Variants in FGD6 observed in about 807,000 individuals in gnomAD.
The protein encoded by FGD6 is FYVE, RhoGEF and PH domain containing 6.
In FGD6, 90 loss-of-function variants were observed where a neutral mutation model predicts 149.4. The ratio of observed to expected loss-of-function variants is 0.60; its 90% confidence interval spans 0.51 to 0.72. FGD6 has a LOEUF of 0.72. FGD6 is among the 30% of genes least tolerant of loss of function. The pLI is 0.00. For missense variants in FGD6, 1,437 were observed against 1,684.8 expected, an observed-to-expected ratio of 0.85 and a Z score of 2.57; for synonymous variants, 527 against 584.0, an observed-to-expected ratio of 0.90 and a Z score of 1.41.
At chr12:95,137,061 T>C (rs1283058701) in intron 7 of FGD6, among the ~76,000 whole-genome samples, 1 of 152,152 alleles carries the variant, frequency 6.6e-6, no homozygotes, top group Non-Finnish European at 1.5e-5. Context: ...GTGGATCACC[T>C]GAGGTCAGGA....
intron 3 of FGD6, among the ~76,000 whole-genome samples, chr12:95,171,122 AAT>A (rs1880976755): frequency 1.3e-5 from 2 of 152,236 alleles, no homozygotes; most frequent in African/African-American, 4.8e-5. Context: ...TTATCTATAA[AAT>A]GGTACTCTTT....
At chr12:95,145,196 C>T (rs1168520037) in intron 5 of FGD6, among the ~76,000 whole-genome samples, 4 of 151,872 alleles carry the variant, frequency 2.6e-5, no homozygotes, top group Non-Finnish European at 5.9e-5. Context: ...ACCATGTTGG[C>T]CAGACTGGTT....
At position 95,172,622 on chromosome 12, in the gene FGD6, G is replaced by C; in HGVS notation, c.2564C>G (p.Pro855Arg). ...DVSSESSKGE[P>R]DPLEDKQDED... ...TACCTGTTTATCTTCCAGTGGGTCA[G>C]GCTCTCCTTTACTTGACTCAGAGCT... The change falls in exon 3 of 21, where the codon CCT (proline) becomes CGT (arginine). Residue 855 changes from proline to arginine, a missense_variant. Around this residue, in one of 2 missense-constraint regions of FGD6, gnomAD observed 1,055 missense variants for 1,146.0 expected, o/e 0.92. Coordinates refer to ENST00000343958, the MANE Select transcript of FGD6 (RefSeq NM_018351.4). 6.2e-7 allele frequency: 1 copy of C among 1,610,252 alleles called. No homozygotes were observed. Among genetic ancestry groups the C allele is most frequent in the Non-Finnish European group, 8.5e-7 (1 of 1,177,804 alleles).
At position 95,076,796 on chromosome 12, in the gene FGD6, A is replaced by G. The variant is rs1877506834; in HGVS notation, c.*4724T>C. Reference sequence around the variant, plus strand: ...GTATAAATACATATTAACATTATTTACAATGCTAATTTTTTTATTTATAAA... The same window carrying G: ...GTATAAATACATATTAACATTATTTGCAATGCTAATTTTTTTATTTATAAA... On this transcript the variant is annotated 3_prime_UTR_variant, in exon 21 of 21. Transcript: ENST00000343958. 1 of 138,844 alleles carries G rather than the reference A, an allele frequency of 7.2e-6. No individual in the cohort carries two copies. Among genetic ancestry groups the G allele is most frequent in the Admixed American group, 7.3e-5 (1 of 13,634 alleles). The allele number at this position is 138,844 out of a possible 1,614,324, so 8.6% of individuals were successfully genotyped here.
Position 95,081,433 on chromosome 12 carries a change from AT to A in FGD6, c.*86del. The A allele has an allele frequency of 8.2e-7, 1 of 1,226,718 alleles. No homozygotes were observed. Among genetic ancestry groups the A allele is most frequent in the South Asian group, 1.9e-5 (1 of 52,058 alleles). 76.0% of individuals were successfully genotyped at this position (1,226,718 alleles called of 1,614,324 possible). A position where few individuals can be genotyped will look rare whatever the true frequency, so the allele number is the denominator to read the frequency against. On this transcript the variant is annotated 3_prime_UTR_variant, in exon 21 of 21. Transcript: ENST00000343958. ...GGTTGGCTTTATCTTGGCAGTGTTCATTTTTATACAATTTTTGAATTGCATT... is the reference window on the plus strand; with the variant it reads ...GGTTGGCTTTATCTTGGCAGTGTTCATTTTATACAATTTTTGAATTGCATT...
intron 5 of FGD6, among the ~76,000 whole-genome samples, chr12:95,149,862 TAA>T (rs1258471117): frequency 6.8e-6 from 1 of 146,616 alleles, no homozygotes; most frequent in East Asian, 1.9e-4. Context: ...AAAATATGTA[TAA>T]TATATAATAG....
chr12:95,110,004 T>A (rs918210214), intron 9 of FGD6, among the ~76,000 whole-genome samples: 3 of 146,308 alleles, frequency 2.1e-5, no homozygotes, highest in Non-Finnish European at 4.5e-5. Context: ...TTTTTTTTTT[T>A]CTTGCTCTGT....
intron 2 of FGD6, among the ~76,000 whole-genome samples, chr12:95,194,502 T>A (rs1407450032): frequency 6.6e-6 from 1 of 152,278 alleles, no homozygotes. Flanking sequence ...CCCAAAGTGC[T>A]GGGATTACAG....
intron 2 of FGD6, among the ~76,000 whole-genome samples, chr12:95,205,274 A>G (rs1334440748): frequency 6.6e-6 from 1 of 151,994 alleles, no homozygotes; most frequent in African/African-American, 2.4e-5. Flanking sequence ...TCTCAAAAAA[A>G]AAAAAAGTAA....
chr12:95,212,373 A>T (rs2056732256), intron 1 of FGD6, among the ~76,000 whole-genome samples: 1 of 152,242 alleles, frequency 6.6e-6, no homozygotes, highest in Non-Finnish European at 1.5e-5. Flanking sequence ...AACATTATAT[A>T]TAAGGTATTT....
chr12:95,211,391 T>A, intron 1 of FGD6, 124 bp from the exon 2 acceptor site: 1 of 1,125,484 alleles, frequency 8.9e-7, no homozygotes, highest in Non-Finnish European at 1.2e-6. Flanking sequence ...GTATGTTACA[T>A]TATATAGTAT....
chr12:95,138,129 G>T (rs555105989), intron 6 of FGD6, among the ~76,000 whole-genome samples: 1 of 151,876 alleles, frequency 6.6e-6, no homozygotes. Context: ...GTTTGAACCC[G>T]GGAGGGGGAG....
chr12:95,137,425 T>C, intron 7 of FGD6, 97 bp downstream of exon 7: 11 of 1,140,060 alleles, frequency 9.6e-6, no homozygotes, highest in Non-Finnish European at 9.4e-6. Context: ...AACTTTTTCT[T>C]TGTTTGCAAG....
chr12:95,085,991 A>G (rs1877852177), intron 18 of FGD6, 83 bp from the exon 19 acceptor site: 4 of 1,288,328 alleles, frequency 3.1e-6, no homozygotes, highest in South Asian at 1.4e-5. Context: ...TAGGTGCTGA[A>G]AGCAATAACT....
In FGD6 at chr12:95,211,152, C is replaced by T. The variant is rs114682041; in HGVS notation, c.132G>A (p.Ser44=). ...PDIVISSVPQ[S]TKKMKPAIAP... Reference sequence around the variant, plus strand: ...CTATTGCTGGTTTCATTTTCTTTGTCGACTGTGGAACACTAGAAATCACAA... The same window carrying T: ...CTATTGCTGGTTTCATTTTCTTTGTTGACTGTGGAACACTAGAAATCACAA... Residue 44 remains serine (S), a synonymous_variant, in exon 2 of 21, where the codon TCG becomes TCA. Coordinates refer to ENST00000343958, the MANE Select transcript of FGD6 (RefSeq NM_018351.4). 842 of 1,614,052 alleles carry T rather than the reference C, an allele frequency of 5.2e-4. 4 individuals carry two copies. In the African/African-American group the frequency reaches 6.2e-3, roughly 12 times the overall value.
rs762394441 is a variant in FGD6 at position 95,210,573 on chromosome 12, A to T, written c.711T>A (p.Asp237Glu). The change falls in exon 2 of 21, where the codon GAT becomes GAA. Residue 237 changes from aspartate to glutamate, a missense_variant. By Grantham distance (45) the Asp-to-Glu change is conservative. This residue lies in a region of FGD6 where 1,055 missense variants were observed against 1,146.0 expected (regional missense o/e 0.92). Coordinates refer to ENST00000343958, the MANE Select transcript of FGD6 (RefSeq NM_018351.4). Reference protein sequence around the residue: ...PSPSSFEKVPDHHSCHLQLPS... With the variant: ...PSPSSFEKVPEHHSCHLQLPS... Reference sequence around the variant, plus strand: ...GAAGCTGTAAGTGGCAACTGTGATGATCAGGAACTTTTTCAAAGCTGGATG... The same window carrying T: ...GAAGCTGTAAGTGGCAACTGTGATGTTCAGGAACTTTTTCAAAGCTGGATG... 6 of 1,614,208 alleles carry T rather than the reference A, an allele frequency of 3.7e-6. No homozygotes were observed. The highest frequency in any genetic ancestry group is 5.1e-6 in the Non-Finnish European group (6 of 1,180,050).
intron 3 of FGD6, among the ~76,000 whole-genome samples, chr12:95,164,280 C>T (rs1880733035): frequency 6.9e-6 from 1 of 145,260 alleles, no homozygotes; most frequent in South Asian, 2.2e-4. Context: ...CTCGCTCTGT[C>T]ACCCAGGCTG....
chr12:95,160,362 A>C (rs917653651), intron 3 of FGD6, among the ~76,000 whole-genome samples: 4 of 152,194 alleles, frequency 2.6e-5, no homozygotes, highest in African/African-American at 9.7e-5. Flanking sequence ...ATAAAAAAAC[A>C]AACAAACAGT....
At chr12:95,153,708 A>T (rs1023277196) in intron 3 of FGD6, among the ~76,000 whole-genome samples, 1 of 152,118 alleles carries the variant, frequency 6.6e-6, no homozygotes, top group Non-Finnish European at 1.5e-5. Context: ...TTAATATCCA[A>T]TAGGAATGTA....
Sources: allele counts gnomAD v4.1 joint callset (sites outside exome capture counted in the v4.1 genomes callset), GRCh38; gene constraint gnomAD v4.1.1; regional missense constraint gnomAD v4.1.1; transcripts MANE v1.5; gene names NCBI Gene and HGNC (gene_info 2026-07-23, HGNC 2026-07-21).